The following IRAK2 variants were observed in gnomAD, a reference collection of about 807,000 sequenced individuals.
The protein encoded by IRAK2 is interleukin 1 receptor associated kinase 2.
In IRAK2, 57 loss-of-function variants were observed where a neutral mutation model predicts 72.0. The ratio of observed to expected loss-of-function variants is 0.79; its 90% CI spans 0.64 to 0.99. The LOEUF is 0.99. IRAK2 is among the 50% of genes least tolerant of loss of function. IRAK2 has a pLI of 0.00. For synonymous variants in IRAK2, 293 were observed against 312.7 expected (o/e 0.94, Z 0.67); for missense variants, 790 against 794.4 (o/e 0.99, Z 0.07).
intron 7 of IRAK2, among the ~76,000 whole-genome samples, chr3:10,219,324 T>C (rs1697652094): frequency 8.5e-6 from 1 of 118,292 alleles, no homozygotes. Flanking sequence ...TGTTTTTGTT[T>C]TTGTTTTTTT....
At chr3:10,227,514 C>G (rs1407256885) in intron 10 of IRAK2, among the ~76,000 whole-genome samples, 6 of 152,064 alleles carry the variant, frequency 3.9e-5, no homozygotes, top group Non-Finnish European at 8.8e-5. Context: ...CATTATCTAC[C>G]TAAATCATCT....
chr3:10,218,439 A>G (rs56190454), intron 7 of IRAK2, among the ~76,000 whole-genome samples: 1 of 132,728 alleles, frequency 7.5e-6, no homozygotes, highest in Non-Finnish European at 1.6e-5. Context: ...AAAAAAAAAA[A>G]AAAAAACCAA....
chr3:10,165,259 C>T (rs1696662828), intron 1 of IRAK2, among the ~76,000 whole-genome samples: 2 of 152,190 alleles, frequency 1.3e-5, no homozygotes, highest in Non-Finnish European at 2.9e-5. Flanking sequence ...TGTCGACGAG[C>T]AGGGGCCGCC....
intron 10 of IRAK2, 55 bp downstream of exon 10, chr3:10,226,488 TAG>T: frequency 7.0e-7 from 1 of 1,427,132 alleles, no homozygotes; most frequent in East Asian, 2.3e-5. Context: ...CACAGCTCTG[TAG>T]AGAGGGCAAC....
At chr3:10,214,335 C>T (rs1697569583) in intron 6 of IRAK2, among the ~76,000 whole-genome samples, 1 of 151,690 alleles carries the variant, frequency 6.6e-6, no homozygotes, top group South Asian at 2.1e-4. Flanking sequence ...TGGTGATCCT[C>T]CCACCTCAGC....
chr3:10,233,585 A>G (rs4684673), intron 10 of IRAK2, among the ~76,000 whole-genome samples: 55,697 of 152,054 alleles, frequency 0.37, 11,041 homozygotes, highest in Admixed American at 0.45. Flanking sequence ...AAGTATAGAC[A>G]TAATATTTTC....
Position 10,184,883 on chromosome 3 carries a change from C to CCT in IRAK2, c.277+6864_277+6865insTC, listed in dbSNP as rs1213414354. 3.4e-5 allele frequency among the ~76,000 whole-genome samples: 5 copies of CCT among 147,274 alleles called. No homozygotes were observed. The East Asian group carries it at 5.9e-4, about 17-fold the overall frequency. On this transcript the variant is annotated intron_variant, in intron 2 of 12. Transcript: ENST00000256458. ...TAGCTGGGACTACAGGCGCCCGCCACCATGCCCGGCTATTTTTTTATTTTT... is the reference window on the plus strand; with the variant it reads ...TAGCTGGGACTACAGGCGCCCGCCACCTCATGCCCGGCTATTTTTTTATTTTT...
chr3:10,175,665 G>A (rs907112676), intron 1 of IRAK2, among the ~76,000 whole-genome samples: 1 of 151,926 alleles, frequency 6.6e-6, no homozygotes, highest in Admixed American at 6.6e-5. Context: ...CGAGGCAGGC[G>A]CATCACAAGG....
chr3:10,196,042 G>A (rs889949024), intron 2 of IRAK2, among the ~76,000 whole-genome samples: 2 of 152,236 alleles, frequency 1.3e-5, no homozygotes, highest in African/African-American at 4.8e-5. Flanking sequence ...CGACAGCTCT[G>A]TTCCAGACCC....
chr3:10,212,735 G>A (rs1457237225), intron 4 of IRAK2, among the ~76,000 whole-genome samples: 1 of 151,820 alleles, frequency 6.6e-6, no homozygotes, highest in African/African-American at 2.4e-5. Flanking sequence ...AGATGGAGCT[G>A]GGATTTGAGC....
chr3:10,223,683 G>A (rs963772779), intron 9 of IRAK2, among the ~76,000 whole-genome samples: 3 of 152,228 alleles, frequency 2.0e-5, no homozygotes, highest in East Asian at 3.8e-4. Context: ...TTTGACTATG[G>A]AACCTTGTGT....
intron 1 of IRAK2, among the ~76,000 whole-genome samples, chr3:10,166,649 T>C (rs1306598672): frequency 6.6e-6 from 1 of 152,200 alleles, no homozygotes; most frequent in Non-Finnish European, 1.5e-5. Context: ...TATTCTCTTT[T>C]CATTTTTATT....
intron 2 of IRAK2, among the ~76,000 whole-genome samples, chr3:10,198,501 A>T (rs1697307594): frequency 6.6e-6 from 1 of 152,232 alleles, no homozygotes; most frequent in Non-Finnish European, 1.5e-5. Context: ...AACCAGTCCC[A>T]GGTTTGACTG....
At chr3:10,180,179 G>A (rs1300225817) in intron 2 of IRAK2, among the ~76,000 whole-genome samples, 2 of 152,044 alleles carry the variant, frequency 1.3e-5, no homozygotes, top group African/African-American at 4.8e-5. Flanking sequence ...GGGATGGGGG[G>A]TCTGGTTACC....
intron 9 of IRAK2, among the ~76,000 whole-genome samples, chr3:10,225,428 C>G (rs933337240): frequency 1.3e-5 from 2 of 152,196 alleles, no homozygotes; most frequent in African/African-American, 4.8e-5. Flanking sequence ...AGCATTGTCT[C>G]TACTGAGAAA....
chr3:10,240,734 T>A (rs1414662209), intron 12 of IRAK2, among the ~76,000 whole-genome samples: 1 of 150,990 alleles, frequency 6.6e-6, no homozygotes, highest in Non-Finnish European at 1.5e-5. Flanking sequence ...TAATTTTGTA[T>A]TTTTAGTAGA....
chr3:10,230,454 C>T (rs1697841758), intron 10 of IRAK2, among the ~76,000 whole-genome samples: 1 of 152,004 alleles, frequency 6.6e-6, no homozygotes, highest in African/African-American at 2.4e-5. Context: ...TCCCGGGTAG[C>T]TGGGATTATA....
Position 10,234,493 on chromosome 3 carries a change from C to T in IRAK2, c.1307C>T (p.Thr436Ile). Residue 436 changes from threonine (T) to isoleucine (I), a missense_variant, in exon 11 of 13, where the codon ACC (threonine) becomes ATC (isoleucine). Thr to Ile is a moderately conservative substitution (Grantham distance 89, BLOSUM62 -1). Coordinates refer to ENST00000256458, the MANE Select transcript of IRAK2 (RefSeq NM_001570.4). ...DLLLSDIPSS[T>I]ASLCSRKTGV... ...CTCCTCAGTGATATTCCAAGCAGCA[C>T]CGCCTCGCTCTGCTCCAGGAAGACG... 1 of 1,614,188 alleles carries T rather than the reference C, an allele frequency of 6.2e-7. No homozygotes were observed. The highest frequency in any genetic ancestry group is 8.5e-7 in the Non-Finnish European group (1 of 1,180,020).
chr3:10,240,961 TG>T (rs1559455521), intron 12 of IRAK2, among the ~76,000 whole-genome samples: 1 of 151,752 alleles, frequency 6.6e-6, no homozygotes, highest in Non-Finnish European at 1.5e-5. Flanking sequence ...CCTCCTGCCA[TG>T]GGGAGGGGAG....
Sources: allele counts gnomAD v4.1 joint callset (sites outside exome capture counted in the v4.1 genomes callset), GRCh38; gene constraint gnomAD v4.1.1; transcripts MANE v1.5; gene names NCBI Gene and HGNC (gene_info 2026-07-23, HGNC 2026-07-21).